The following IFFO2 variants were observed in gnomAD, a reference collection of about 807,000 sequenced individuals.
IFFO2 encodes the protein intermediate filament family orphan 2.
Under a neutral mutation model 53.5 loss-of-function variants are expected in IFFO2, and 19 were observed. The ratio of observed to expected loss-of-function variants is 0.36; its 90% CI spans 0.25 to 0.52. The LOEUF (loss-of-function observed/expected upper bound fraction) is 0.52, where lower values mean the gene tolerates loss of function less well. IFFO2 is among the 20% of genes least tolerant of loss of function. IFFO2 has a pLI of 0.94. For missense variants in IFFO2, 570 were observed against 727.4 expected, an observed-to-expected ratio of 0.78 and a Z score of 2.49; for synonymous variants, 303 against 313.6, an observed-to-expected ratio of 0.97 and a Z score of 0.36.
intron 1 of IFFO2, among the ~76,000 whole-genome samples, chr1:18,954,591 G>A (rs1936700485): frequency 6.6e-6 from 1 of 152,262 alleles, no homozygotes; most frequent in East Asian, 1.9e-4. Context: ...GCGATTGCCA[G>A]GGCCAGAGGG....
chr1:18,951,603 T>TCTACCAGCCCAGGGCAACTTCCC (rs544519900), intron 1 of IFFO2, among the ~76,000 whole-genome samples: 10 of 152,162 alleles, frequency 6.6e-5, no homozygotes, highest in African/African-American at 2.4e-4. Flanking sequence ...GGCAACTTCC[T>TCTACCAGCCCAGGGCAACTTCCC]CTACCAGCCC....
chr1:18,934,874 C>T (rs935174087), intron 1 of IFFO2, among the ~76,000 whole-genome samples: 10 of 152,188 alleles, frequency 6.6e-5, no homozygotes, highest in Admixed American at 4.6e-4. Context: ...CCACTGTCAG[C>T]GCAGAGTCCT....
intron 1 of IFFO2, among the ~76,000 whole-genome samples, chr1:18,940,740 T>C (rs1195568703): frequency 6.6e-6 from 1 of 152,174 alleles, no homozygotes; most frequent in Non-Finnish European, 1.5e-5. Context: ...CTGGAATCAC[T>C]TGCCAGTGAT....
chr1:18,932,276 G>A (rs1395637199), intron 1 of IFFO2, among the ~76,000 whole-genome samples: 1 of 152,252 alleles, frequency 6.6e-6, no homozygotes, highest in Non-Finnish European at 1.5e-5. Flanking sequence ...CGCCTTCCCT[G>A]TCACTGGCTC....
chr1:18,923,273 G>A (rs914664840), intron 1 of IFFO2, among the ~76,000 whole-genome samples: 1 of 152,208 alleles, frequency 6.6e-6, no homozygotes, highest in Admixed American at 6.5e-5. Flanking sequence ...TCCCCAGAGG[G>A]GCCCTTGGGA....
At chr1:18,909,466 C>T (rs1569826937) in intron 8 of IFFO2, among the ~76,000 whole-genome samples, 1 of 152,284 alleles carries the variant, frequency 6.6e-6, no homozygotes, top group East Asian at 1.9e-4. Context: ...TGTTCCCACC[C>T]AAATTGCATC....
Position 18,916,950 on chromosome 1 carries a change from G to A in IFFO2, c.1056C>T (p.Val352=), listed in dbSNP as rs1281246854. Reference sequence around the variant, plus strand: ...TCTCATCGGTGATGTTCATGGAGCCGACCTCATCGTCCGAGAACCGGTTCA... The same window carrying A: ...TCTCATCGGTGATGTTCATGGAGCCAACCTCATCGTCCGAGAACCGGTTCA... ...GEVNRFSDDE[V]GSMNITDEMK... Residue 352 remains valine, a synonymous_variant, in exon 5 of 9, where the codon GTC becomes GTT. Coordinates refer to ENST00000455833, the MANE Select transcript of IFFO2 (RefSeq NM_001136265.2). The surrounding 1 kb of genome is among the most constrained non-coding windows in gnomAD (Gnocchi z 4.3). 13 of 1,551,920 alleles carry A rather than the reference G, an allele frequency of 8.4e-6. No homozygotes were observed. The highest frequency in any genetic ancestry group is 3.6e-5 in the South Asian group (3 of 84,054).
chr1:18,912,073 A>C lies in IFFO2; in HGVS notation c.1114T>G (p.Phe372Val). 3 of 1,551,558 alleles carry C rather than the reference A, an allele frequency of 1.9e-6. No homozygotes were observed. Among genetic ancestry groups the C allele is most frequent in the African/African-American group, 1.4e-5 (1 of 73,158 alleles). Reference sequence around the variant, plus strand: ...CTGTCACAGTCGTCGTCAAAGTCAAAGGTCTCCCGCCTGTGGGGGTGACAC... The same window carrying C: ...CTGTCACAGTCGTCGTCAAAGTCAACGGTCTCCCGCCTGTGGGGGTGACAC... ...KRMFNQLRET[F>V]DFDDDCDSLT... Residue 372 changes from phenylalanine (F) to valine (V), a missense_variant, in exon 6 of 9, where the codon TTT (phenylalanine) becomes GTT (valine). Transcript: ENST00000455833.
intron 1 of IFFO2, among the ~76,000 whole-genome samples, chr1:18,954,360 G>C (rs1179641529): frequency 6.6e-6 from 1 of 152,228 alleles, no homozygotes; most frequent in South Asian, 2.1e-4. Flanking sequence ...GAGCAAACAG[G>C]CTTTCAAGTG....
intron 1 of IFFO2, among the ~76,000 whole-genome samples, chr1:18,940,970 G>C (rs1181913705): frequency 6.6e-6 from 1 of 152,148 alleles, no homozygotes; most frequent in Non-Finnish European, 1.5e-5. Context: ...CCAAAGCTGG[G>C]TGCAACACGA....
At chr1:18,926,994 G>A (rs1394098153) in intron 1 of IFFO2, among the ~76,000 whole-genome samples, 11 of 152,178 alleles carry the variant, frequency 7.2e-5, no homozygotes, top group Admixed American at 5.9e-4. Flanking sequence ...AGCAAGAGAC[G>A]GGTTCAAATC....
At chr1:18,924,572 C>A (rs1453498655) in intron 1 of IFFO2, among the ~76,000 whole-genome samples, 2 of 152,214 alleles carry the variant, frequency 1.3e-5, no homozygotes, top group Non-Finnish European at 2.9e-5. Flanking sequence ...CCAGCCCCAG[C>A]CCATGGCTGA....
rs368170432 is a variant in IFFO2, at chr1:18,918,326, G to C, written c.963+36C>G. On this transcript the variant is annotated intron_variant, in intron 4 of 8. Coordinates refer to ENST00000455833, the MANE Select transcript of IFFO2 (RefSeq NM_001136265.2). The surrounding 1 kb of genome is among the most constrained non-coding windows in gnomAD (Gnocchi z 5.2). ...GAGGCCAGGGCTGCTCTGGGAGAGT[G>C]GGGGGTTGGCTGGTGAGCAGGGCAG... 4 of 1,538,632 alleles carry C rather than the reference G, an allele frequency of 2.6e-6. No homozygotes were observed. The highest frequency in any genetic ancestry group is 1.4e-5 in the African/African-American group (1 of 72,946).
At chr1:18,942,007 T>G (rs1226727407) in intron 1 of IFFO2, among the ~76,000 whole-genome samples, 1 of 152,154 alleles carries the variant, frequency 6.6e-6, no homozygotes, top group Admixed American at 6.5e-5. Context: ...GGACATGACC[T>G]CCTCCTGGCT....
chr1:18,921,581 G>A (rs945216226), intron 1 of IFFO2, among the ~76,000 whole-genome samples: 3 of 152,196 alleles, frequency 2.0e-5, no homozygotes, highest in South Asian at 2.1e-4. Flanking sequence ...TGCGATGCCC[G>A]ACAGCCTACC....
At chr1:18,912,667 G>A (rs1239114564) in intron 5 of IFFO2, among the ~76,000 whole-genome samples, 2 of 152,310 alleles carry the variant, frequency 1.3e-5, no homozygotes, top group East Asian at 1.9e-4. Context: ...CACTAAGCAT[G>A]CAGCAAAATG....
chr1:18,913,170 G>T (rs372102135), intron 5 of IFFO2, among the ~76,000 whole-genome samples: 2 of 152,248 alleles, frequency 1.3e-5, no homozygotes, highest in Admixed American at 6.5e-5. Flanking sequence ...GGACTGGGCC[G>T]GTCCCAAGAA....
chr1:18,928,289 C>T lies in IFFO2; in HGVS notation c.666-7168G>A, dbSNP rs146203946. Among the ~76,000 whole-genome samples, 60 of 152,292 alleles carry T rather than the reference C, an allele frequency of 3.9e-4. 1 individual carries two copies. The highest frequency in any genetic ancestry group is 9.8e-4 in the Admixed American group (15 of 15,312). ...TCCCAAGGAAAGGCTGTCTCGCAGACGTGCCCATCAGAGCCCGGCTGCCCA... is the reference window on the plus strand; with the variant it reads ...TCCCAAGGAAAGGCTGTCTCGCAGATGTGCCCATCAGAGCCCGGCTGCCCA... On this transcript the variant is annotated intron_variant, in intron 1 of 8. Coordinates refer to ENST00000455833, the MANE Select transcript of IFFO2 (RefSeq NM_001136265.2). The surrounding 1 kb of genome is among the most constrained non-coding windows in gnomAD (Gnocchi z 4.9).
chr1:18,943,220 TA>T (rs201558049), intron 1 of IFFO2, among the ~76,000 whole-genome samples: 8 of 151,198 alleles, frequency 5.3e-5, no homozygotes, highest in South Asian at 2.1e-4. Flanking sequence ...TTATTTTTTT[TA>T]AAAAAAAATT....
Sources: allele counts gnomAD v4.1 joint callset (sites outside exome capture counted in the v4.1 genomes callset), GRCh38; gene constraint gnomAD v4.1.1; non-coding constraint Gnocchi (gnomAD v3.1); transcripts MANE v1.5; gene names NCBI Gene and HGNC (gene_info 2026-07-23, HGNC 2026-07-21).